Variants in ARMC2 observed in about 807,000 individuals in gnomAD.
ARMC2 encodes armadillo repeat-containing protein 2.
A neutral mutation model predicts 90.3 loss-of-function variants in ARMC2; 67 were observed. The ratio of observed to expected loss-of-function variants is 0.74; its 90% confidence interval spans 0.61 to 0.91. ARMC2 has a LOEUF of 0.91. Among genes scored for constraint, ARMC2 ranks in the 40% least tolerant of loss-of-function variants. The pLI is 0.00. For missense variants in ARMC2, 920 were observed against 1,030.9 expected, an observed-to-expected ratio of 0.89 and a Z score of 1.47; for synonymous variants, 393 against 393.0, an observed-to-expected ratio of 1.00 and a Z score of 0.00.
Position 108,938,182 on chromosome 6 carries a change from G to T in ARMC2, c.1596+1183G>T, listed in dbSNP as rs1325810964. Among the ~76,000 whole-genome samples, 3 of 152,036 alleles carry T rather than the reference G, an allele frequency of 2.0e-5. No homozygotes were observed. The East Asian group carries it at 5.8e-4, about 29-fold the overall frequency. ...CCTATAGTAAGTTTTGCGAGTTTAT[G>T]GACCAAATAATTTATGTATATACTA... On this transcript the variant is annotated intron_variant, in intron 12 of 17. Coordinates refer to ENST00000392644, the MANE Select transcript of ARMC2 (RefSeq NM_032131.6).
chr6:109,006,882 T>C, the ARMC2 span, among the ~76,000 whole-genome samples: 1 of 152,208 alleles, frequency 6.6e-6, no homozygotes, highest in African/African-American at 2.4e-5. Context: ...ATTCAATTAT[T>C]CCTTCATCTG....
chr6:109,003,963 G>A, the ARMC2 span, among the ~76,000 whole-genome samples: 1 of 152,122 alleles, frequency 6.6e-6, no homozygotes. Flanking sequence ...GAAAATGCCT[G>A]TTTCAAGGGT....
chr6:108,869,122 A>G (rs1776125654), intron 4 of ARMC2, 127 bp downstream of exon 4: 2 of 1,026,298 alleles, frequency 1.9e-6, no homozygotes, highest in Non-Finnish European at 2.7e-6. Flanking sequence ...ATTAGTTAAT[A>G]TTGGGCAAAA....
At chr6:108,940,673 C>G (rs1776367073) in intron 12 of ARMC2, among the ~76,000 whole-genome samples, 2 of 152,260 alleles carry the variant, frequency 1.3e-5, no homozygotes, top group South Asian at 4.2e-4. Context: ...CAGCATTCAC[C>G]CGTGGAAGCT....
chr6:108,912,483 T>C lies in ARMC2; in HGVS notation c.1275T>C (p.Asn425=), dbSNP rs1773540001. The change falls in exon 10 of 18, where the codon AAT becomes AAC. Residue 425 remains asparagine (N), a synonymous_variant. Coordinates refer to ENST00000392644, the MANE Select transcript of ARMC2 (RefSeq NM_032131.6). ...AAGGTGCTGTGGAAATACTGATAAATTTGATAAAACAAATAAATGAGAACA... is the reference window on the plus strand; with the variant it reads ...AAGGTGCTGTGGAAATACTGATAAACTTGATAAAACAAATAAATGAGAACA... The part of the protein sequence containing the change: ...ISKGAVEILI[N]LIKQINENIK... 2 of 1,614,014 alleles carry C rather than the reference T, an allele frequency of 1.2e-6. No homozygotes were observed. The highest frequency in any genetic ancestry group is 3.3e-4 in the Middle Eastern group (2 of 6,060).
chr6:108,964,744 C>T (rs958098065), intron 16 of ARMC2, among the ~76,000 whole-genome samples: 3 of 151,696 alleles, frequency 2.0e-5, no homozygotes, highest in Admixed American at 1.3e-4. Flanking sequence ...GAGCCGAGAT[C>T]GCGCGACTGC....
At chr6:109,006,881 T>C in the ARMC2 span, among the ~76,000 whole-genome samples, 1 of 152,190 alleles carries the variant, frequency 6.6e-6, no homozygotes, top group African/African-American at 2.4e-5. Context: ...AATTCAATTA[T>C]TCCTTCATCT....
Position 108,876,303 on chromosome 6 carries a change from A to G in ARMC2, c.624A>G (p.Glu208=), listed in dbSNP as rs764076315. ...GCTTCAGTGAAATAAAGGAGCAAGA[A>G]ATGTTCAAAGGAACAACATCTTTAC... ...DGGFSEIKEQ[E]MFKGTTSLPS... is the part of the protein sequence containing the mutation. The change falls in exon 5 of 18, where the codon GAA becomes GAG. Residue 208 remains glutamate (E), a synonymous_variant. Transcript: ENST00000392644. 1 of 1,612,758 alleles carries G rather than the reference A, an allele frequency of 6.2e-7. No homozygotes were observed. Among genetic ancestry groups the G allele is most frequent in the Non-Finnish European group, 8.5e-7 (1 of 1,179,576 alleles).
At chr6:108,894,796 T>C (rs1465893914) in intron 6 of ARMC2, among the ~76,000 whole-genome samples, 1 of 145,332 alleles carries the variant, frequency 6.9e-6, no homozygotes, top group Non-Finnish European at 1.5e-5. Flanking sequence ...AGATGGAGTC[T>C]TGCTCTGTCG....
chr6:108,942,364 CA>C (rs1375453478), intron 12 of ARMC2, among the ~76,000 whole-genome samples: 2 of 152,164 alleles, frequency 1.3e-5, no homozygotes, highest in Non-Finnish European at 2.9e-5. Flanking sequence ...CCATAAAAAG[CA>C]AAACAGAATC....
chr6:109,013,434 T>G, the ARMC2 span, among the ~76,000 whole-genome samples: 20,842 of 152,070 alleles, frequency 0.14, 1,946 homozygotes, highest in Non-Finnish European at 0.21. Flanking sequence ...CAAACTCTTG[T>G]TTTTGAAATT....
intron 7 of ARMC2, among the ~76,000 whole-genome samples, chr6:108,900,308 G>T (rs895535495): frequency 6.6e-6 from 1 of 152,144 alleles, no homozygotes; most frequent in East Asian, 1.9e-4. Flanking sequence ...CCACCCTTGC[G>T]CTCTGAACTG....
At chr6:108,990,191 G>C in the ARMC2 span, among the ~76,000 whole-genome samples, 1 of 152,340 alleles carries the variant, frequency 6.6e-6, no homozygotes, top group Admixed American at 6.5e-5. Flanking sequence ...GCAAGGACAT[G>C]AAAGTTTTGC....
At chr6:109,001,436 G>T in the ARMC2 span, 65 of 1,613,656 alleles carry the variant, frequency 4.0e-5, no homozygotes, top group Non-Finnish European at 5.4e-5. Context: ...AGCAGCAAAA[G>T]AATCTGCAAA....
At chr6:108,922,130 C>G (rs1201753331) in intron 10 of ARMC2, among the ~76,000 whole-genome samples, 3 of 152,204 alleles carry the variant, frequency 2.0e-5, no homozygotes, top group Non-Finnish European at 2.9e-5. Flanking sequence ...GCCGTCCACT[C>G]TGGACATGAT....
chr6:108,975,228 TC>T (rs1778962440), downstream of ARMC2, among the ~76,000 whole-genome samples: 1 of 152,002 alleles, frequency 6.6e-6, no homozygotes, highest in Non-Finnish European at 1.5e-5. Flanking sequence ...ATTGTTCAGC[TC>T]CCACTTATGA....
intron 6 of ARMC2, among the ~76,000 whole-genome samples, chr6:108,897,664 G>A (rs573257445): frequency 6.6e-6 from 1 of 152,176 alleles, no homozygotes; most frequent in African/African-American, 2.4e-5. Flanking sequence ...TGTTGGGTGG[G>A]ATAGGTAGAT....
intron 3 of ARMC2, among the ~76,000 whole-genome samples, chr6:108,866,580 A>G (rs1305022039): frequency 2.0e-5 from 3 of 152,206 alleles, no homozygotes; most frequent in Non-Finnish European, 4.4e-5. Context: ...CTTCCATAAT[A>G]GGAATTGTGT....
At position 108,904,257 on chromosome 6, in the gene ARMC2, C is replaced by T; in HGVS notation, c.875C>T (p.Ala292Val). The T allele has an allele frequency of 6.2e-7, 1 of 1,613,770 alleles. No individual in the cohort carries two copies. The highest frequency in any genetic ancestry group is 1.1e-5 in the South Asian group (1 of 91,058). Residue 292 changes from alanine (A) to valine (V), a missense_variant, in exon 8 of 18, where the codon GCT becomes GTT. Physicochemically the swap from Ala to Val is moderately conservative, Grantham distance 64 (BLOSUM62 0). Coordinates refer to ENST00000392644, the MANE Select transcript of ARMC2 (RefSeq NM_032131.6). ...KEENIETVCAACTQLHHALEE... is the reference protein window; with the variant it reads ...KEENIETVCAVCTQLHHALEE... ...GAAAACATTGAAACGGTTTGTGCTG[C>T]TTGCACACAACTTCATCATGCTTTA... is the stretch of plus-strand genomic sequence containing the variant.
Sources: allele counts gnomAD v4.1 joint callset (sites outside exome capture counted in the v4.1 genomes callset), GRCh38; gene constraint gnomAD v4.1.1; transcripts MANE v1.5; gene names NCBI Gene and HGNC (gene_info 2026-07-23, HGNC 2026-07-21).